Variants in SCP2 observed in about 807,000 individuals in gnomAD.
SCP2 encodes the protein sterol carrier protein 2.
In SCP2, 48 loss-of-function variants were observed where a neutral mutation model predicts 71.4. That is an observed-to-expected ratio of 0.67 (90% CI 0.53 to 0.86). The LOEUF is 0.86. SCP2 is among the 40% of genes least tolerant of loss of function. The pLI is 0.00. For missense variants in SCP2, 560 were observed against 655.6 expected, an observed-to-expected ratio of 0.85 and a Z score of 1.59; for synonymous variants, 220 against 218.1, an observed-to-expected ratio of 1.01 and a Z score of -0.08.
At chr1:52,937,896 G>A (rs1653877953) in intron 1 of SCP2, among the ~76,000 whole-genome samples, 1 of 152,184 alleles carries the variant, frequency 6.6e-6, no homozygotes, top group Non-Finnish European at 1.5e-5. Flanking sequence ...GCAGCCCAGA[G>A]TAGCCCAGTG....
intron 1 of SCP2, among the ~76,000 whole-genome samples, chr1:52,928,303 A>C (rs1244260413): frequency 6.6e-6 from 1 of 152,230 alleles, no homozygotes; most frequent in Non-Finnish European, 1.5e-5. Flanking sequence ...TACCTGGCTT[A>C]TTCACTGCTG....
chr1:53,022,671 T>C (rs1661832479), intron 12 of SCP2, among the ~76,000 whole-genome samples: 2 of 152,164 alleles, frequency 1.3e-5, no homozygotes, highest in African/African-American at 4.8e-5. Flanking sequence ...ACACATTAGG[T>C]ATTTCTGTTT....
At chr1:52,944,651 A>G (rs1654603030) in intron 2 of SCP2, among the ~76,000 whole-genome samples, 1 of 152,162 alleles carries the variant, frequency 6.6e-6, no homozygotes, top group South Asian at 2.1e-4. Flanking sequence ...TAGTGTGTGT[A>G]TAATATTTTG....
intron 13 of SCP2, among the ~76,000 whole-genome samples, chr1:53,037,176 TTTC>T (rs145885599): frequency 0.019 from 2,829 of 152,212 alleles, 94 homozygotes; most frequent in African/African-American, 0.064. Context: ...TGATTTATAT[TTTC>T]TTCTTCTTGC....
chr1:52,961,713 T>C lies in SCP2; in HGVS notation c.523+84T>C, dbSNP rs559432945. On this transcript the variant is annotated intron_variant, in intron 6 of 15. Transcript: ENST00000371514. ...ATGACAGTTATTTATTAAGGAACTGTGGAGGATGCCAGGATATATAAGATG... is the reference window on the plus strand; with the variant it reads ...ATGACAGTTATTTATTAAGGAACTGCGGAGGATGCCAGGATATATAAGATG... 1.3e-5 allele frequency: 16 copies of C among 1,208,746 alleles called. No individual in the cohort carries two copies. In the Admixed American group the frequency reaches 1.6e-4, roughly 12 times the overall value. The allele number at this position is 1,208,746 out of a possible 1,614,324, so 74.9% of individuals were successfully genotyped here. A position where few individuals can be genotyped will look rare whatever the true frequency, so the allele number is the denominator to read the frequency against.
chr1:52,971,248 T>G (rs1657471006), intron 6 of SCP2, among the ~76,000 whole-genome samples: 1 of 152,154 alleles, frequency 6.6e-6, no homozygotes. Flanking sequence ...AGTGCTGGGA[T>G]TACAGGCGTG....
chr1:52,956,141 A>G (rs1341883414), intron 5 of SCP2, among the ~76,000 whole-genome samples: 1 of 152,112 alleles, frequency 6.6e-6, no homozygotes, highest in African/African-American at 2.4e-5. Flanking sequence ...CGTCTCTACT[A>G]AAAATACAAA....
Position 53,028,013 on chromosome 1 carries a change from C to T in SCP2, c.1280C>T (p.Ala427Val), listed in dbSNP as rs144131493. Residue 427 changes from alanine (A) to valine (V), a missense_variant, in exon 13 of 16, where the codon GCA becomes GTA. Transcript: ENST00000371514. ...ATTGAAGCTGTTCCAACCAGCTCTG[C>T]AAGTGATGGATTTAAGGCAAATCTT... ...HQIEAVPTSS[A>V]SDGFKANLVF... The T allele has an allele frequency of 6.2e-7, 1 of 1,611,704 alleles. No homozygotes were observed. The highest frequency in any genetic ancestry group is 1.3e-5 in the African/African-American group (1 of 74,836).
intron 12 of SCP2, among the ~76,000 whole-genome samples, chr1:53,019,658 C>T (rs80145801): frequency 0.038 from 5,718 of 152,212 alleles, 229 homozygotes; most frequent in East Asian, 0.21. Flanking sequence ...GTTATTATTA[C>T]TTCTAGGCCT....
At chr1:52,937,671 T>C (rs1247309060) in intron 1 of SCP2, among the ~76,000 whole-genome samples, 1 of 152,228 alleles carries the variant, frequency 6.6e-6, no homozygotes, top group Non-Finnish European at 1.5e-5. Flanking sequence ...GACCCATTAG[T>C]GAGTCGTGAA....
At chr1:53,017,907 T>C (rs1661445273) in intron 12 of SCP2, among the ~76,000 whole-genome samples, 1 of 152,222 alleles carries the variant, frequency 6.6e-6, no homozygotes, top group African/African-American at 2.4e-5. Flanking sequence ...CAGGCTGCAG[T>C]GCAATGGCAC....
intron 6 of SCP2, among the ~76,000 whole-genome samples, chr1:52,963,369 G>GA (rs1289417492): frequency 6.8e-6 from 1 of 146,500 alleles, no homozygotes; most frequent in East Asian, 2.0e-4. Flanking sequence ...CCAGAAAGAA[G>GA]TTTTTTTTTT....
intron 14 of SCP2, among the ~76,000 whole-genome samples, chr1:53,046,330 C>CTTTTTT (rs749725244): frequency 8.3e-6 from 1 of 120,914 alleles, no homozygotes; most frequent in African/African-American, 3.0e-5. Context: ...TGGGTATTGT[C>CTTTTTT]TTTTTTTTTT....
At chr1:52,929,466 G>C (rs548712756) in intron 1 of SCP2, among the ~76,000 whole-genome samples, 17 of 151,420 alleles carry the variant, frequency 1.1e-4, no homozygotes, top group Non-Finnish European at 2.1e-4. Context: ...TATTTTTTGA[G>C]ACAGAGTCTC....
intron 9 of SCP2, among the ~76,000 whole-genome samples, chr1:52,979,418 C>T (rs990177578): frequency 2.6e-5 from 4 of 151,382 alleles, no homozygotes; most frequent in African/African-American, 4.9e-5. Context: ...TGGACTCAAG[C>T]GATTCACCTG....
intron 12 of SCP2, among the ~76,000 whole-genome samples, chr1:53,026,983 G>C (rs980535587): frequency 6.8e-6 from 1 of 146,876 alleles, no homozygotes; most frequent in Non-Finnish European, 1.5e-5. Flanking sequence ...CTGTCACCCA[G>C]GATGGGGTGC....
intron 13 of SCP2, among the ~76,000 whole-genome samples, chr1:53,038,202 A>G (rs75165726): frequency 0.019 from 2,848 of 148,668 alleles, 99 homozygotes; most frequent in African/African-American, 0.068. Context: ...ATGTGTTTAT[A>G]TATATACCAT....
chr1:53,006,009 A>G (rs892728337), intron 11 of SCP2, among the ~76,000 whole-genome samples: 9 of 152,248 alleles, frequency 5.9e-5, no homozygotes, highest in Admixed American at 2.6e-4. Flanking sequence ...CGATTTGATC[A>G]AGTGGAAGAA....
intron 9 of SCP2, among the ~76,000 whole-genome samples, chr1:52,979,347 ATTT>A (rs59807820): frequency 7.2e-6 from 1 of 138,058 alleles, no homozygotes. Context: ...AAGTTTTTGT[ATTT>A]TTTTTTTTTT....
Sources: gnomAD v4.1 joint callset for allele counts (sites outside exome capture counted in the v4.1 genomes callset) on GRCh38, gnomAD v4.1.1 for gene constraint, MANE v1.5 for transcripts, NCBI Gene and HGNC (gene_info 2026-07-23, HGNC 2026-07-21) for gene names.